Variants in ACSBG2 observed in about 807,000 individuals in gnomAD.
The protein encoded by ACSBG2 is acyl-CoA synthetase bubblegum family member 2.
In ACSBG2, 62 loss-of-function variants were observed where a neutral mutation model predicts 74.7. The ratio of observed to expected loss-of-function variants is 0.83; its 90% CI spans 0.68 to 1.03. ACSBG2 has a LOEUF of 1.03. Among genes scored for constraint, ACSBG2 ranks in the 50% least tolerant of loss-of-function variants. The pLI, the probability that ACSBG2 is intolerant of heterozygous loss-of-function variation, is 0.00. For synonymous variants in ACSBG2, 309 were observed against 294.1 expected, an observed-to-expected ratio of 1.05 and a Z score of -0.52; for missense variants, 730 against 817.6, an observed-to-expected ratio of 0.89 and a Z score of 1.31.
At chr19:6,179,455 A>G (rs2090184166) in intron 8 of ACSBG2, among the ~76,000 whole-genome samples, 1 of 151,972 alleles carries the variant, frequency 6.6e-6, no homozygotes, top group Non-Finnish European at 1.5e-5. Flanking sequence ...ATGTGCCACC[A>G]TGCCTGACTA....
In ACSBG2 at chr19:6,151,752, T is replaced by C; in HGVS notation, c.343T>C (p.Ser115Pro). Reference sequence around the variant, plus strand: ...CGGAGTTGGTATCCTGGGGTTTAACTCTGCAGAGTGGTTTATCACTGCTGT... The same window carrying C: ...CGGAGTTGGTATCCTGGGGTTTAACCCTGCAGAGTGGTTTATCACTGCTGT... ...FHGVGILGFN[S>P]AEWFITAVGA... Residue 115 changes from serine (S) to proline (P), a missense_variant, in exon 4 of 15, where the codon TCT becomes CCT. Transcript: ENST00000588485. 1 of 1,603,662 alleles carries C rather than the reference T, an allele frequency of 6.2e-7. No individual in the cohort carries two copies. Among genetic ancestry groups the C allele is most frequent in the Non-Finnish European group, 8.5e-7 (1 of 1,174,934 alleles).
In ACSBG2 at chr19:6,153,962, GA is replaced by G. The variant is rs538726647; in HGVS notation, c.386+2174del. Among the ~76,000 whole-genome samples the G allele has an allele frequency of 4.0e-5, 6 of 151,138 alleles. No individual in the cohort carries two copies. In the South Asian group the frequency reaches 1.0e-3, roughly 26 times the overall value. On this transcript the variant is annotated intron_variant, in intron 4 of 14. Transcript: ENST00000588485. ...AGGAAAAGAAAAGAGAAAAGAGAGA[GA>G]AAAAAATTGAGGGTGGTGACTAGAA...
At chr19:6,154,062 A>AT (rs748007221) in intron 4 of ACSBG2, among the ~76,000 whole-genome samples, 2 of 151,928 alleles carry the variant, frequency 1.3e-5, no homozygotes, top group Non-Finnish European at 2.9e-5. Context: ...TATTTTCCAA[A>AT]TTTTTATGAG....
In ACSBG2 at chr19:6,155,790, A is replaced by AG. The variant is rs1491280885; in HGVS notation, c.387-641_387-640insG. On this transcript the variant is annotated intron_variant, in intron 4 of 14. Coordinates refer to ENST00000588485, the MANE Select transcript of ACSBG2 (RefSeq NM_030924.5). ...GGGTGACCGAGCTAGACCCTGTCTC[A>AG]AAAAAAAAAAAAAAAAAATGGTGAA... Among the ~76,000 whole-genome samples, 5 of 11,800 alleles carry AG rather than the reference A, an allele frequency of 4.2e-4. No individual in the cohort carries two copies. In the East Asian group the frequency reaches 0.01, roughly 24 times the overall value. 7.7% of individuals were successfully genotyped at this position (11,800 alleles called of 152,430 possible). A position where few individuals can be genotyped will look rare whatever the true frequency, so the allele number is the denominator to read the frequency against.
At chr19:6,157,571 CA>C (rs2089467136) in intron 5 of ACSBG2, among the ~76,000 whole-genome samples, 1 of 151,892 alleles carries the variant, frequency 6.6e-6, no homozygotes, top group African/African-American at 2.4e-5. Context: ...TCAAAACAAA[CA>C]AACAAACAAA....
chr19:6,172,132 T>C (rs2089981677), intron 7 of ACSBG2, among the ~76,000 whole-genome samples: 1 of 152,214 alleles, frequency 6.6e-6, no homozygotes, highest in African/African-American at 2.4e-5. Context: ...AACTTTCTCT[T>C]GGATCTCATT....
rs1315586461 is a variant in ACSBG2, at chr19:6,174,221, G to T, written c.739-3008G>T. On this transcript the variant is annotated intron_variant, in intron 7 of 14. Coordinates refer to ENST00000588485, the MANE Select transcript of ACSBG2 (RefSeq NM_030924.5). The surrounding 1 kb of genome is among the most constrained non-coding windows in gnomAD (Gnocchi z 4.2). ...CAAAGTGCTGGGACTACAAACATGA[G>T]CCACCACGCTTGGCCATCACTCTTG... Among the ~76,000 whole-genome samples, 1 of 152,120 alleles carries T rather than the reference G, an allele frequency of 6.6e-6. No homozygotes were observed. The highest frequency in any genetic ancestry group is 1.5e-5 in the Non-Finnish European group (1 of 68,038).
At chr19:6,152,117 C>A (rs1489615689) in intron 4 of ACSBG2, among the ~76,000 whole-genome samples, 3 of 152,106 alleles carry the variant, frequency 2.0e-5, no homozygotes, top group African/African-American at 7.2e-5. Context: ...TAAAACCTCA[C>A]GACAGCAATG....
At position 6,137,350 on chromosome 19, in the gene ACSBG2, G is replaced by T. The variant is rs953978622; in HGVS notation, c.-32+1441G>T. On this transcript the variant is annotated intron_variant, in intron 1 of 14. Coordinates refer to ENST00000588485, the MANE Select transcript of ACSBG2 (RefSeq NM_030924.5). Reference sequence around the variant, plus strand: ...CATGCTTCTGTAGTCCCAGCTATCTGAGGGGAAGAGAGTTCCAGGCAGAGG... The same window carrying T: ...CATGCTTCTGTAGTCCCAGCTATCTTAGGGGAAGAGAGTTCCAGGCAGAGG... 4 of 152,422 alleles carry T rather than the reference G, an allele frequency of 2.6e-5. No individual in the cohort carries two copies. In the Middle Eastern group the frequency reaches 0.01, roughly 389 times the overall value. 9.4% of individuals were successfully genotyped at this position (152,422 alleles called of 1,614,324 possible).
rs1415290681 is a variant in ACSBG2 at position 6,182,945 on chromosome 19, T to C, written c.1088+13T>C. On this transcript the variant is annotated intron_variant, in intron 9 of 14. Coordinates refer to ENST00000588485, the MANE Select transcript of ACSBG2 (RefSeq NM_030924.5). ...AAAAGATGTTGGGGTAGGTGGAGCATCCAGAGGGCTGGGAGGGTAGTTGGT... is the reference window on the plus strand; with the variant it reads ...AAAAGATGTTGGGGTAGGTGGAGCACCCAGAGGGCTGGGAGGGTAGTTGGT... 1 of 1,613,664 alleles carries C rather than the reference T, an allele frequency of 6.2e-7. No individual in the cohort carries two copies. The highest frequency in any genetic ancestry group is 1.7e-5 in the Admixed American group (1 of 60,000).
chr19:6,156,872 C>T (rs867850304), intron 5 of ACSBG2, among the ~76,000 whole-genome samples: 4 of 151,394 alleles, frequency 2.6e-5, no homozygotes, highest in Middle Eastern at 6.8e-3. Flanking sequence ...TAGCCTTGAA[C>T]TCCTGGTCTC....
At chr19:6,157,104 G>C (rs891786438) in intron 5 of ACSBG2, among the ~76,000 whole-genome samples, 3 of 152,068 alleles carry the variant, frequency 2.0e-5, no homozygotes, top group African/African-American at 7.2e-5. Flanking sequence ...CCACCATCAC[G>C]CCTGGCTAAT....
intron 6 of ACSBG2, among the ~76,000 whole-genome samples, chr19:6,162,427 C>A (rs944853079): frequency 2.6e-5 from 4 of 151,200 alleles, no homozygotes; most frequent in Non-Finnish European, 5.9e-5. Flanking sequence ...ATTATCCAGG[C>A]GTGGTGGTGG....
rs147633853 is a variant in ACSBG2, at chr19:6,186,503, C to T, written c.1541-780C>T. ...GTTTGCCAAAATCTGATGGAGAACA[C>T]TTAGTGCTTTTTTACTCAAACCCAT... On this transcript the variant is annotated intron_variant, in intron 11 of 14. Transcript: ENST00000588485. 6.1e-3 allele frequency among the ~76,000 whole-genome samples: 925 copies of T among 152,252 alleles called. 3 individuals are homozygous for T. Among genetic ancestry groups the T allele is most frequent in the African/African-American group, 0.021 (884 of 41,546 alleles).
At chr19:6,157,899 C>T (rs2089476409) in intron 5 of ACSBG2, among the ~76,000 whole-genome samples, 1 of 151,902 alleles carries the variant, frequency 6.6e-6, no homozygotes, top group South Asian at 2.1e-4. Context: ...CTATTTCTTG[C>T]CTAAGTTCTA....
At chr19:6,181,349 GAAGAAAGAAA>G (rs781544175) in intron 8 of ACSBG2, among the ~76,000 whole-genome samples, 5 of 142,864 alleles carry the variant, frequency 3.5e-5, no homozygotes, top group Non-Finnish European at 7.6e-5. Flanking sequence ...AGGAAGGAAG[GAAGAAAGAAA>G]AAGAAAGAAA....
At chr19:6,146,428 C>T (rs2089033852) in intron 2 of ACSBG2, among the ~76,000 whole-genome samples, 1 of 149,458 alleles carries the variant, frequency 6.7e-6, no homozygotes, top group East Asian at 2.0e-4. Context: ...CAAGATCACG[C>T]CACTGCACTC....
intron 6 of ACSBG2, among the ~76,000 whole-genome samples, chr19:6,163,126 A>C (rs1353340936): frequency 1.1e-3 from 121 of 114,128 alleles, no homozygotes; most frequent in African/African-American, 4.4e-3. Flanking sequence ...AATACAAATA[A>C]TAATAATAAT....
chr19:6,151,624 C>T, intron 3 of ACSBG2, 83 bp from the exon 4 acceptor site: 1 of 1,379,258 alleles, frequency 7.3e-7, no homozygotes, highest in Non-Finnish European at 1.0e-6. Context: ...ATGTGACTAC[C>T]TTTGATTCTG....
Sources: gnomAD v4.1 joint callset for allele counts (sites outside exome capture counted in the v4.1 genomes callset) on GRCh38, gnomAD v4.1.1 for gene constraint, Gnocchi (gnomAD v3.1) non-coding constraint, MANE v1.5 for transcripts, NCBI Gene and HGNC (gene_info 2026-07-23, HGNC 2026-07-21) for gene names.